Variants in NLGN1 observed in about 807,000 individuals in gnomAD.
NLGN1 encodes neuroligin 1.
A neutral mutation model predicts 65.5 loss-of-function variants in NLGN1; 12 were observed. The ratio of observed to expected loss-of-function variants is 0.18; its 90% CI spans 0.12 to 0.30. NLGN1 has a LOEUF of 0.30. Ranked by LOEUF, NLGN1 falls within the 10% of genes least tolerant of loss-of-function variation. NLGN1 has a pLI of 1.00. For missense variants in NLGN1, 750 were observed against 1,007.1 expected (o/e 0.74, Z 3.46); for synonymous variants, 350 against 359.5 (o/e 0.97, Z 0.30).
chr3:173,503,690 T>G (rs765325674), intron 2 of NLGN1, among the ~76,000 whole-genome samples: 12 of 152,072 alleles, frequency 7.9e-5, no homozygotes, highest in Admixed American at 4.6e-4. Context: ...AGGAATCATA[T>G]TATCTTTTTG....
intron 3 of NLGN1, among the ~76,000 whole-genome samples, chr3:173,774,822 C>T (rs536338250): frequency 9.1e-4 from 138 of 152,112 alleles, no homozygotes; most frequent in Non-Finnish European, 1.6e-3. Flanking sequence ...TACAGCCTCC[C>T]CCAGCCCCCT....
At chr3:173,756,421 T>C (rs1777129652) in intron 3 of NLGN1, among the ~76,000 whole-genome samples, 1 of 151,964 alleles carries the variant, frequency 6.6e-6, no homozygotes, top group African/African-American at 2.4e-5. Flanking sequence ...AGAGAAAGAA[T>C]ATGGAAGTAT....
chr3:173,975,485 A>G (rs1304972613), intron 4 of NLGN1, among the ~76,000 whole-genome samples: 1 of 152,038 alleles, frequency 6.6e-6, no homozygotes, highest in Non-Finnish European at 1.5e-5. Context: ...CAAAAATGCA[A>G]TTGATTTTCA....
At chr3:173,833,523 T>G (rs920039260) in intron 4 of NLGN1, among the ~76,000 whole-genome samples, 1 of 152,150 alleles carries the variant, frequency 6.6e-6, no homozygotes, top group African/African-American at 2.4e-5. Flanking sequence ...TTTATTTTTA[T>G]TTATTTATTT....
intron 4 of NLGN1, among the ~76,000 whole-genome samples, chr3:174,263,569 A>T (rs1577671284): frequency 6.6e-6 from 1 of 151,918 alleles, no homozygotes; most frequent in Non-Finnish European, 1.5e-5. Flanking sequence ...TATTGAGCCT[A>T]TGTGTGTCTC....
At chr3:173,497,217 C>T (rs1051668503) in intron 2 of NLGN1, among the ~76,000 whole-genome samples, 2 of 151,698 alleles carry the variant, frequency 1.3e-5, no homozygotes, top group Non-Finnish European at 2.9e-5. Flanking sequence ...AACTCCATCT[C>T]TACTAAAAAT....
chr3:174,112,954 A>C (rs1206897600), intron 4 of NLGN1, among the ~76,000 whole-genome samples: 1 of 151,888 alleles, frequency 6.6e-6, no homozygotes, highest in Non-Finnish European at 1.5e-5. Context: ...GCTAAACAGA[A>C]ATATATGTGT....
At chr3:173,438,789 A>G (rs1472594427) in intron 2 of NLGN1, among the ~76,000 whole-genome samples, 12 of 152,158 alleles carry the variant, frequency 7.9e-5, no homozygotes, top group Admixed American at 7.9e-4. Flanking sequence ...CAGGGAGTTA[A>G]TGGGTACTGG....
intron 2 of NLGN1, among the ~76,000 whole-genome samples, chr3:173,474,800 A>G (rs1239487035): frequency 6.6e-6 from 1 of 152,050 alleles, no homozygotes; most frequent in African/African-American, 2.4e-5. Flanking sequence ...TCTACTAAAA[A>G]TACAAAAATT....
chr3:173,797,671 A>T (rs1157438123), intron 3 of NLGN1, among the ~76,000 whole-genome samples: 1 of 143,468 alleles, frequency 7.0e-6, no homozygotes, highest in African/African-American at 2.6e-5. Context: ...GTAGCAAAAA[A>T]CAAAAAATAA....
chr3:173,716,922 G>T (rs571406136), intron 3 of NLGN1, among the ~76,000 whole-genome samples: 1 of 152,074 alleles, frequency 6.6e-6, no homozygotes, highest in Non-Finnish European at 1.5e-5. Context: ...GCCTCATACC[G>T]TTTATCCTGA....
At chr3:173,866,480 A>G (rs1466546743) in intron 4 of NLGN1, among the ~76,000 whole-genome samples, 1 of 152,256 alleles carries the variant, frequency 6.6e-6, no homozygotes, top group African/African-American at 2.4e-5. Context: ...GAATAAATGA[A>G]TGAGAGAGAC....
chr3:173,805,455 A>G (rs1478002677), intron 3 of NLGN1, among the ~76,000 whole-genome samples: 1 of 152,184 alleles, frequency 6.6e-6, no homozygotes, highest in Non-Finnish European at 1.5e-5. Context: ...ATAAAGAGAT[A>G]CCACTCAAAA....
intron 2 of NLGN1, among the ~76,000 whole-genome samples, chr3:173,538,847 A>G (rs917638504): frequency 1.3e-5 from 2 of 150,356 alleles, no homozygotes; most frequent in Non-Finnish European, 2.9e-5. Flanking sequence ...TTTGGTGAAC[A>G]TTTACATGGA....
At chr3:173,682,798 G>T (rs1359236460) in intron 3 of NLGN1, among the ~76,000 whole-genome samples, 1 of 151,830 alleles carries the variant, frequency 6.6e-6, no homozygotes, top group African/African-American at 2.4e-5. Flanking sequence ...GGCATAAATG[G>T]GTCAAGTCTT....
At chr3:173,959,743 G>A (rs144661228) in intron 4 of NLGN1, among the ~76,000 whole-genome samples, 406 of 152,166 alleles carry the variant, frequency 2.7e-3, no homozygotes, top group African/African-American at 9.4e-3. Context: ...TTTTTTAAAT[G>A]TTTTGGTATC....
intron 4 of NLGN1, among the ~76,000 whole-genome samples, chr3:174,203,416 C>T (rs1298620989): frequency 3.3e-5 from 5 of 152,208 alleles, no homozygotes; most frequent in African/African-American, 9.6e-5. Flanking sequence ...GCCCGTGGTA[C>T]ATTTGTTCTT....
intron 4 of NLGN1, among the ~76,000 whole-genome samples, chr3:174,032,019 A>G (rs1429508504): frequency 6.6e-6 from 1 of 152,110 alleles, no homozygotes; most frequent in Non-Finnish European, 1.5e-5. Flanking sequence ...CAAAGTTAAA[A>G]AAAAGAAATT....
intron 3 of NLGN1, among the ~76,000 whole-genome samples, chr3:173,782,030 C>T (rs914187514): frequency 2.0e-5 from 3 of 152,000 alleles, no homozygotes; most frequent in Non-Finnish European, 2.9e-5. Context: ...TTTTTAGTTA[C>T]TTTTATTGAA....
Sources: gnomAD v4.1 joint callset for allele counts (sites outside exome capture counted in the v4.1 genomes callset) on GRCh38, gnomAD v4.1.1 for gene constraint, MANE v1.5 for transcripts, NCBI Gene and HGNC (gene_info 2026-07-23, HGNC 2026-07-21) for gene names.